ADAMTS10: variants seen among roughly 807,000 people sequenced by gnomAD.
The protein encoded by ADAMTS10 is ADAM metallopeptidase with thrombospondin type 1 motif 10, also known as A disintegrin and metalloproteinase with thrombospondin motifs 10.
A neutral mutation model predicts 135.9 loss-of-function variants in ADAMTS10; 48 were observed. The observed-to-expected ratio is 0.35, with a 90% CI of 0.28 to 0.45. The LOEUF is 0.45. Ranked by LOEUF, ADAMTS10 falls within the 20% of genes least tolerant of loss-of-function variation. ADAMTS10 has a pLI of 1.00. For synonymous variants in ADAMTS10, 621 were observed against 647.5 expected (o/e 0.96, Z 0.62); for missense variants, 1,131 against 1,565.2 (o/e 0.72, Z 4.68).
rs1223035561 is a variant in ADAMTS10 at position 8,608,925 on chromosome 19, G to T, written c.-214-677C>A. 2.0e-5 allele frequency among the ~76,000 whole-genome samples: 3 copies of T among 151,162 alleles called. No individual in the cohort carries two copies. The East Asian group carries it at 5.9e-4, about 30-fold the overall frequency. On this transcript the variant is annotated intron_variant, in intron 1 of 25. Coordinates refer to ENST00000597188, the MANE Select transcript of ADAMTS10 (RefSeq NM_030957.4). ...TGGGGTAGGGGGAGGAGGGGGGTCTGCAGAAGGCTCACAGGCGTCTGAGCT... is the reference window on the plus strand; with the variant it reads ...TGGGGTAGGGGGAGGAGGGGGGTCTTCAGAAGGCTCACAGGCGTCTGAGCT...
At chr19:8,581,601 G>A (rs2042351139) in intron 25 of ADAMTS10, among the ~76,000 whole-genome samples, 1 of 152,020 alleles carries the variant, frequency 6.6e-6, no homozygotes, top group African/African-American at 2.4e-5. Context: ...TTGGGAGGCC[G>A]AGGCAGGTGG....
At chr19:8,600,770 T>C (rs1343439234) in intron 6 of ADAMTS10, among the ~76,000 whole-genome samples, 158 bp downstream of exon 6, 12 of 152,098 alleles carry the variant, frequency 7.9e-5, no homozygotes, top group African/African-American at 2.7e-4. Context: ...AGTGCTGGGA[T>C]TACAGGTGTG....
In ADAMTS10 at chr19:8,610,694, C is replaced by CCG. The variant is rs1555743350; in HGVS notation, c.-267_-266dup. ...CCGTCGCCGCCGCTGTCTCGCCGCCCCGCGCGCGCAGGAAGGGAGGGAGCG... is the reference window on the plus strand; with the variant it reads ...CCGTCGCCGCCGCTGTCTCGCCGCCCCGCGCGCGCGCAGGAAGGGAGGGAGCG... On this transcript the variant is annotated 5_prime_UTR_variant, in exon 1 of 26. Coordinates refer to ENST00000597188, the MANE Select transcript of ADAMTS10 (RefSeq NM_030957.4). The CCG allele has an allele frequency of 6.7e-6, 1 of 149,920 alleles. No individual in the cohort carries two copies. The highest frequency in any genetic ancestry group is 1.5e-5 in the Non-Finnish European group (1 of 67,342). 9.3% of individuals were successfully genotyped at this position (149,920 alleles called of 1,614,324 possible).
In ADAMTS10 at chr19:8,601,329, T is replaced by C. The variant is rs1282889476; in HGVS notation, c.593-184A>G. On this transcript the variant is annotated intron_variant, in intron 5 of 25. Transcript: ENST00000597188. This position sits in a 1 kb window ranked among gnomAD's most constrained non-coding sequence, Gnocchi z 4.6. ...CCTGTGTGATGGTCTGTCTGCCCAA[T>C]GGGCTGCCAAACACCTCATCGTTTT... Among the ~76,000 whole-genome samples, 2 of 151,996 alleles carry C rather than the reference T, an allele frequency of 1.3e-5. No individual in the cohort carries two copies. Among genetic ancestry groups the C allele is most frequent in the African/African-American group, 2.4e-5 (1 of 41,384 alleles).
chr19:8,595,843 T>C lies in ADAMTS10; in HGVS notation c.1398A>G (p.Thr466=), dbSNP rs782402374. ...RPPRQDFVYP[T]VAPGQAYDAD... Reference sequence around the variant, plus strand: ...CATCGTAGGCTTGGCCCGGTGCCACTGTCGGGTACACAAAGTCCTGTCTGG... The same window carrying C: ...CATCGTAGGCTTGGCCCGGTGCCACCGTCGGGTACACAAAGTCCTGTCTGG... The change falls in exon 12 of 26, where the codon ACA becomes ACG. Residue 466 remains threonine, a synonymous_variant. Coordinates refer to ENST00000597188, the MANE Select transcript of ADAMTS10 (RefSeq NM_030957.4). 1.9e-6 allele frequency: 3 copies of C among 1,614,096 alleles called. No homozygotes were observed. In the African/African-American group the frequency reaches 4.0e-5, roughly 22 times the overall value.
intron 5 of ADAMTS10, 66 bp downstream of exon 5, chr19:8,603,662 G>A (rs962130452): frequency 6.2e-7 from 1 of 1,604,476 alleles, no homozygotes; most frequent in Middle Eastern, 1.9e-4. Context: ...TGGATAAAAA[G>A]ACACTGCTGC....
intron 13 of ADAMTS10, chr19:8,592,363 C>T (rs936618423): frequency 1.2e-5 from 8 of 654,190 alleles, no homozygotes; most frequent in African/African-American, 7.4e-5. Flanking sequence ...AGCGTGGAGA[C>T]GAGGTGGGGC....
chr19:8,597,352 A>C, intron 6 of ADAMTS10, 35 bp from the exon 7 acceptor site: 1 of 1,587,474 alleles, frequency 6.3e-7, no homozygotes, highest in Non-Finnish European at 8.6e-7. Context: ...CCGAGTCTTA[A>C]GAGGAGCCCA....
intron 15 of ADAMTS10, among the ~76,000 whole-genome samples, chr19:8,590,520 A>G (rs112642571): frequency 4.3e-4 from 65 of 152,058 alleles, no homozygotes; most frequent in African/African-American, 1.4e-3. Context: ...GTGCAGTGAC[A>G]CAATCTCGGC....
At chr19:8,595,505 C>T in intron 12 of ADAMTS10, 2 of 524,840 alleles carry the variant, frequency 3.8e-6, no homozygotes, top group Non-Finnish European at 3.4e-6. Flanking sequence ...AGCTGGCCCC[C>T]CAGCCCAGCC....
Position 8,596,015 on chromosome 19 carries a change from G to A in ADAMTS10, c.1337+58C>T. On this transcript the variant is annotated intron_variant, in intron 11 of 25. Transcript: ENST00000597188. The surrounding 1 kb of genome is among the most constrained non-coding windows in gnomAD (Gnocchi z 7.2). The stretch of plus-strand genomic sequence containing the variant: ...ATCCCTGATTTCTATCGTCTCCCGT[G>A]TACCCTGCCCCACCATGAGTGTGAC... 4 of 1,613,878 alleles carry A rather than the reference G, an allele frequency of 2.5e-6. No homozygotes were observed. Among genetic ancestry groups the A allele is most frequent in the Non-Finnish European group, 3.4e-6 (4 of 1,179,894 alleles).
chr19:8,592,681 G>T, intron 13 of ADAMTS10, 82 bp downstream of exon 13: 2 of 1,398,202 alleles, frequency 1.4e-6, no homozygotes, highest in African/African-American at 1.4e-5. Context: ...ATAATAGGCC[G>T]AAGGACAGGC....
chr19:8,587,289 T>TACA (rs2042447507), intron 18 of ADAMTS10, among the ~76,000 whole-genome samples: 1 of 148,966 alleles, frequency 6.7e-6, no homozygotes, highest in African/African-American at 2.5e-5. Flanking sequence ...CTGGAGTAGC[T>TACA]GGGACTACAG....
At position 8,605,749 on chromosome 19, in the gene ADAMTS10, T is replaced by A. The variant is rs1811187140; in HGVS notation, c.-39A>T. On this transcript the variant is annotated 5_prime_UTR_variant, in exon 3 of 26. Transcript: ENST00000597188. The surrounding 1 kb of genome is among the most constrained non-coding windows in gnomAD (Gnocchi z 7.7). ...CCACATGTCTCTCCCCAGCCCCGGC[T>A]GCCGGCAGCCCCCACAGTGCCGCCT... 1 of 1,569,976 alleles carries A rather than the reference T, an allele frequency of 6.4e-7. No homozygotes were observed. Among genetic ancestry groups the A allele is most frequent in the African/African-American group, 1.3e-5 (1 of 74,182 alleles).
intron 6 of ADAMTS10, among the ~76,000 whole-genome samples, chr19:8,598,695 C>T (rs1369472637): frequency 6.6e-6 from 1 of 151,004 alleles, no homozygotes; most frequent in Non-Finnish European, 1.5e-5. Flanking sequence ...CAGCCTCAGC[C>T]TCCGGAGTAG....
intron 12 of ADAMTS10, 98 bp downstream of exon 12, chr19:8,595,664 C>A: frequency 1.3e-6 from 2 of 1,528,012 alleles, no homozygotes; most frequent in Non-Finnish European, 8.9e-7. Context: ...GTTCTCCCAC[C>A]CCCTCACTTC....
At position 8,601,196 on chromosome 19, in the gene ADAMTS10, A is replaced by C; in HGVS notation, c.593-51T>G. 6.3e-7 allele frequency: 1 copy of C among 1,586,572 alleles called. No individual in the cohort carries two copies. Among genetic ancestry groups the C allele is most frequent in the East Asian group, 2.3e-5 (1 of 44,252 alleles). On this transcript the variant is annotated intron_variant, in intron 5 of 25. Transcript: ENST00000597188. This position sits in a 1 kb window ranked among gnomAD's most constrained non-coding sequence, Gnocchi z 4.6. Reference sequence around the variant, plus strand: ...GCCCTGCCCTGCTGGTGGGACGCAGAGCTGCCTGACAACTGTCTTGTCCAA... The same window carrying C: ...GCCCTGCCCTGCTGGTGGGACGCAGCGCTGCCTGACAACTGTCTTGTCCAA...
In ADAMTS10 at chr19:8,596,744, A is replaced by C. The variant is rs562748673; in HGVS notation, c.1041-159T>G. ...GAGTGACTGACCACATGAATGAATG[A>C]ATGCATGCATGCATGCATGAGTGGG... On this transcript the variant is annotated intron_variant, in intron 8 of 25. Transcript: ENST00000597188. The surrounding 1 kb of genome is among the most constrained non-coding windows in gnomAD (Gnocchi z 7.2). Among the ~76,000 whole-genome samples, 15 of 152,036 alleles carry C rather than the reference A, an allele frequency of 9.9e-5. No homozygotes were observed. Among genetic ancestry groups the C allele is most frequent in the South Asian group, 2.1e-4 (1 of 4,824 alleles).
In ADAMTS10 at chr19:8,585,217, G is replaced by A; in HGVS notation, c.2957C>T (p.Ser986Leu). The change falls in exon 24 of 26, where the codon TCA (serine) becomes TTA (leucine). Residue 986 changes from serine to leucine, a missense_variant. Around this residue, in one of 3 missense-constraint regions of ADAMTS10, gnomAD observed 745 missense variants for 1,056.3 expected, o/e 0.71. Transcript: ENST00000597188. ...HRATLPPAHC[S>L]PAAKPPATMR... ...GGTGGCCGGTGGCTTGGCGGCGGGT[G>A]AGCAGTGCGCCGGGGGCAGCGTGGC... is the stretch of plus-strand genomic sequence containing the variant. 2 of 1,434,530 alleles carry A rather than the reference G, an allele frequency of 1.4e-6. No individual in the cohort carries two copies. The highest frequency in any genetic ancestry group is 9.1e-7 in the Non-Finnish European group (1 of 1,096,324). 88.9% of individuals were successfully genotyped at this position (1,434,530 alleles called of 1,614,324 possible).
Sources: gnomAD v4.1 joint callset for allele counts (sites outside exome capture counted in the v4.1 genomes callset) on GRCh38, gnomAD v4.1.1 for gene constraint, gnomAD v4.1.1 regional missense constraint, Gnocchi (gnomAD v3.1) non-coding constraint, MANE v1.5 for transcripts, NCBI Gene and HGNC (gene_info 2026-07-23, HGNC 2026-07-21) for gene names.